The following AKNA variants were observed in gnomAD, a reference collection of about 807,000 sequenced individuals.
AKNA encodes AT-hook transcription factor, also known as microtubule organization protein AKNA.
AKNA carries 67 observed loss-of-function variants against 138.8 expected under a neutral mutation model. The observed-to-expected ratio is 0.48, with a 90% CI of 0.40 to 0.59. The LOEUF is 0.59. Among genes scored for constraint, AKNA ranks in the 20% least tolerant of loss-of-function variants. The probability of loss-of-function intolerance (pLI) is 0.00; values close to 1 mark genes in which losing one functional copy is unlikely to be tolerated. For synonymous variants in AKNA, 737 were observed against 754.4 expected (o/e 0.98, Z 0.38); for missense variants, 1,813 against 1,880.4 (o/e 0.96, Z 0.66).
intron 1 of AKNA, chr9:114,383,303 A>C: frequency 2.3e-6 from 1 of 439,752 alleles, no homozygotes; most frequent in Non-Finnish European, 4.6e-6. Flanking sequence ...TCTCCCTCTC[A>C]TCTCCTTTTG....
intron 2 of AKNA, among the ~76,000 whole-genome samples, chr9:114,378,355 T>C (rs1318239180): frequency 6.6e-6 from 1 of 152,232 alleles, no homozygotes; most frequent in Non-Finnish European, 1.5e-5. Flanking sequence ...TTACAGGCCC[T>C]CATAGGACTG....
intron 19 of AKNA, among the ~76,000 whole-genome samples, chr9:114,342,832 G>A (rs1359541466): frequency 2.0e-5 from 3 of 151,880 alleles, no homozygotes; most frequent in African/African-American, 4.8e-5. Context: ...CCTTGGGGAC[G>A]GGGCCCAGGG....
intron 1 of AKNA, 140 bp from the exon 2 acceptor site, chr9:114,381,586 G>C (rs1278403950): frequency 1.3e-6 from 1 of 760,096 alleles, no homozygotes; most frequent in African/African-American, 1.8e-5. Context: ...GTGTCACCTT[G>C]GGCAAGTCAC....
At position 114,334,207 on chromosome 9, in the gene AKNA, A is replaced by C. The variant is rs1300613786; in HGVS notation, c.*2847T>G. The C allele has an allele frequency of 1.6e-5, 2 of 126,700 alleles. No individual in the cohort carries two copies. Among genetic ancestry groups the C allele is most frequent in the African/African-American group, 7.7e-5 (2 of 25,844 alleles). 7.8% of individuals were successfully genotyped at this position (126,700 alleles called of 1,614,324 possible). ...CTTTATAGCAATGTGAGAACAGACA[A>C]ATACAAGGTGGATGGGGTGGGGAGA... On this transcript the variant is annotated 3_prime_UTR_variant, in exon 22 of 22. Coordinates refer to ENST00000374088, the MANE Select transcript of AKNA (RefSeq NM_001317950.2).
chr9:114,370,435 C>A (rs946834947), intron 4 of AKNA, among the ~76,000 whole-genome samples: 3 of 152,180 alleles, frequency 2.0e-5, no homozygotes, highest in Non-Finnish European at 2.9e-5. Context: ...CCAGGGAAGC[C>A]AGGAAGCCCT....
chr9:114,348,986 T>G (rs1343731446), intron 15 of AKNA: 1 of 456,156 alleles, frequency 2.2e-6, no homozygotes, highest in African/African-American at 2.0e-5. Context: ...GGCCTCTTCC[T>G]GGCTGTGCCC....
At position 114,350,988 on chromosome 9, in the gene AKNA, C is replaced by T. The variant is rs143989615; in HGVS notation, c.3092G>A (p.Arg1031Gln). 155 of 1,613,752 alleles carry T rather than the reference C, an allele frequency of 9.6e-5. No homozygotes were observed. Among genetic ancestry groups the T allele is most frequent in the Middle Eastern group, 1.7e-4 (1 of 5,854 alleles). Residue 1031 changes from arginine (R) to glutamine (Q), a missense_variant, in exon 15 of 22, where the codon CGG (arginine) becomes CAG (glutamine). Arg to Gln is a conservative substitution (Grantham distance 43, BLOSUM62 1). Transcript: ENST00000374088. The stretch of plus-strand genomic sequence containing the variant: ...GTTGGGAAGGGGCTGTTCAGAAATC[C>T]GTTTGTGCCCCTCAAACTCTGAGCC... ...VPGSEFEGHK[R>Q]ISEQPLPNKT...
In AKNA at chr9:114,376,917, C is replaced by G. The variant is rs1833266219; in HGVS notation, c.890G>C (p.Trp297Ser). 1.2e-6 allele frequency: 2 copies of G among 1,614,218 alleles called. No homozygotes were observed. Among genetic ancestry groups the G allele is most frequent in the Non-Finnish European group, 1.7e-6 (2 of 1,180,022 alleles). Residue 297 changes from tryptophan to serine, a missense_variant, in exon 3 of 22, where the codon TGG (tryptophan) becomes TCG (serine). Physicochemically the swap from Trp to Ser is radical, Grantham distance 177. Coordinates refer to ENST00000374088, the MANE Select transcript of AKNA (RefSeq NM_001317950.2). ...FFCPQPKEHI[W>S]KQTKTSPKPL... ...CTTAGGTGACGTCTTTGTCTGCTTC[C>G]AGATGTGTTCCTTGGGCTGAGGGCA...
At chr9:114,362,681 C>G (rs1588985424) in intron 7 of AKNA, 148 bp from the exon 8 acceptor site, 23 of 1,152,270 alleles carry the variant, frequency 2.0e-5, no homozygotes, top group Admixed American at 3.3e-5. Flanking sequence ...AGGTTGAGAT[C>G]TCTGGAGGCT....
At chr9:114,378,014 T>A (rs1006511353) in intron 2 of AKNA, among the ~76,000 whole-genome samples, 1 of 152,162 alleles carries the variant, frequency 6.6e-6, no homozygotes, top group African/African-American at 2.4e-5. Context: ...ATCTCCTCTA[T>A]CCTCACCCAC....
chr9:114,346,822 GTT>G, intron 16 of AKNA, 38 bp from the exon 17 acceptor site: 1 of 1,559,000 alleles, frequency 6.4e-7, no homozygotes, highest in East Asian at 2.3e-5. Context: ...ATTGGATGAG[GTT>G]TTGTGTGGCC....
chr9:114,341,084 TGAG>T lies in AKNA; in HGVS notation c.4067+446_4067+448del, dbSNP rs1273365750. Among the ~76,000 whole-genome samples the T allele has an allele frequency of 3.9e-5, 6 of 152,218 alleles. No homozygotes were observed. The East Asian group carries it at 5.8e-4, about 15-fold the overall frequency. ...ATAGGGGAAACTGTTTGTGCAGGAG[TGAG>T]GAGGATTGTGGGAATCTCTCTGGAC... On this transcript the variant is annotated intron_variant, in intron 21 of 21. Coordinates refer to ENST00000374088, the MANE Select transcript of AKNA (RefSeq NM_001317950.2).
Position 114,337,013 on chromosome 9 carries a change from G to GGGGGGGGCC in AKNA, c.*40_*41insGGCCCCCCC. The GGGGGGGGCC allele has an allele frequency of 1.7e-6, 2 of 1,185,366 alleles. No homozygotes were observed. 73.4% of individuals were successfully genotyped at this position (1,185,366 alleles called of 1,614,324 possible). A position where few individuals can be genotyped will look rare whatever the true frequency, so the allele number is the denominator to read the frequency against. Reference sequence around the variant, plus strand: ...CCACTCCTGGCCTGGCAGGCCACCTGCCCACCCACCCACCCATCTGCCTCT... The same window carrying GGGGGGGGCC: ...CCACTCCTGGCCTGGCAGGCCACCTGGGGGGGGCCCCCACCCACCCACCCATCTGCCTCT... On this transcript the variant is annotated 3_prime_UTR_variant, in exon 22 of 22. Transcript: ENST00000374088.
At chr9:114,379,829 G>A (rs1045424462) in intron 2 of AKNA, among the ~76,000 whole-genome samples, 3 of 152,152 alleles carry the variant, frequency 2.0e-5, no homozygotes, top group African/African-American at 7.2e-5. Context: ...AAATGCCAAC[G>A]TTCCCATTGC....
chr9:114,372,178 T>C (rs1832815459), intron 4 of AKNA, among the ~76,000 whole-genome samples: 1 of 151,564 alleles, frequency 6.6e-6, no homozygotes, highest in African/African-American at 2.4e-5. Flanking sequence ...GAGAGAGGGG[T>C]TGGGGGAGGG....
In AKNA at chr9:114,361,719, C is replaced by T. The variant is rs1831975508; in HGVS notation, c.2109G>A (p.Lys703=). The T allele has an allele frequency of 1.2e-6, 2 of 1,613,256 alleles. No homozygotes were observed. Among genetic ancestry groups the T allele is most frequent in the East Asian group, 4.5e-5 (2 of 44,890 alleles). ...PSGQAPMPAI[K]TSCPEPATTT... is the part of the protein sequence containing the mutation. ...CAAGAGGTACCTCAGGGCAGGAGGT[C>T]TTGATGGCTGGCATGGGGGCTTGTC... Residue 703 remains lysine, a synonymous_variant, in exon 9 of 22, where the codon AAG becomes AAA. Transcript: ENST00000374088.
Position 114,341,720 on chromosome 9 carries a change from C to T in AKNA, c.3880G>A (p.Glu1294Lys). ...GCTTTTCTCCTCGTGGTGGCCTTCT[C>T]TGCCCCTATCAGGGAGGGAACAGCA... Reference protein sequence around the residue: ...DGPGSATSGAEKATTRRKASS... With the variant: ...DGPGSATSGAKKATTRRKASS... Residue 1294 changes from glutamate (E) to lysine (K), a missense_variant, in exon 21 of 22, where the codon GAG becomes AAG. Glu to Lys is a moderately conservative substitution (Grantham distance 56). Transcript: ENST00000374088. 3 of 1,566,762 alleles carry T rather than the reference C, an allele frequency of 1.9e-6. No homozygotes were observed. The highest frequency in any genetic ancestry group is 2.6e-6 in the Non-Finnish European group (3 of 1,159,908).
At chr9:114,368,004 C>G (rs1263571518) in intron 5 of AKNA, among the ~76,000 whole-genome samples, 2 of 152,254 alleles carry the variant, frequency 1.3e-5, no homozygotes, top group Non-Finnish European at 2.9e-5. Context: ...CCAGACACTT[C>G]CCCTCCATAG....
Position 114,347,704 on chromosome 9 carries a change from G to A in AKNA, c.3398+20C>T. ...TGTAGCTGCCACCAGGACAGAGGTG[G>A]GAGTTTTGAGGTCACCCACCTGCCA... is the stretch of plus-strand genomic sequence containing the variant. On this transcript the variant is annotated intron_variant, in intron 16 of 21. Transcript: ENST00000374088. The A allele has an allele frequency of 6.6e-7, 1 of 1,508,660 alleles. No homozygotes were observed. The highest frequency in any genetic ancestry group is 1.3e-5 in the South Asian group (1 of 79,770). 93.5% of individuals were successfully genotyped at this position (1,508,660 alleles called of 1,614,324 possible). A position where few individuals can be genotyped will look rare whatever the true frequency, so the allele number is the denominator to read the frequency against.
Sources: gnomAD v4.1 joint callset for allele counts (sites outside exome capture counted in the v4.1 genomes callset) on GRCh38, gnomAD v4.1.1 for gene constraint, MANE v1.5 for transcripts, NCBI Gene and HGNC (gene_info 2026-07-23, HGNC 2026-07-21) for gene names.